DCUN1D3: variants seen among roughly 807,000 people sequenced by gnomAD.
DCUN1D3 encodes defective in cullin neddylation 1 domain containing 3.
A neutral mutation model predicts 24.8 loss-of-function variants in DCUN1D3; 6 were observed. That is an observed-to-expected ratio of 0.24 (90% CI 0.13 to 0.48). DCUN1D3 has a LOEUF of 0.48. Ranked by LOEUF, DCUN1D3 falls within the 20% of genes least tolerant of loss-of-function variation. The pLI, the probability that DCUN1D3 is intolerant of heterozygous loss-of-function variation, is 0.99. For synonymous variants in DCUN1D3, 120 were observed against 144.9 expected (o/e 0.83, Z 1.24); for missense variants, 258 against 379.4 (o/e 0.68, Z 2.66).
intron 1 of DCUN1D3, among the ~76,000 whole-genome samples, chr16:20,893,563 G>C (rs1169711399): frequency 1.3e-5 from 2 of 152,124 alleles, no homozygotes; most frequent in African/African-American, 4.8e-5. Flanking sequence ...TATTCAACTA[G>C]AATCTAATAG....
At chr16:20,894,760 C>T (rs568518074) in intron 1 of DCUN1D3, among the ~76,000 whole-genome samples, 3 of 152,218 alleles carry the variant, frequency 2.0e-5, no homozygotes, top group Non-Finnish European at 4.4e-5. Context: ...TAATCACCAC[C>T]TCAAGACTGA....
intron 1 of DCUN1D3, among the ~76,000 whole-genome samples, chr16:20,871,185 A>C (rs1440646700): frequency 1.3e-5 from 2 of 152,214 alleles, no homozygotes; most frequent in Non-Finnish European, 2.9e-5. Context: ...TTGGGAGGGA[A>C]AGTTGATCCC....
chr16:20,895,607 A>C (rs2081911865), intron 1 of DCUN1D3, among the ~76,000 whole-genome samples: 1 of 152,226 alleles, frequency 6.6e-6, no homozygotes, highest in Non-Finnish European at 1.5e-5. Flanking sequence ...GGGGATGTAA[A>C]TATGTTACGC....
chr16:20,885,668 GTATCATTTCTAC>G (rs1354268386), intron 1 of DCUN1D3, among the ~76,000 whole-genome samples: 1 of 152,114 alleles, frequency 6.6e-6, no homozygotes, highest in African/African-American at 2.4e-5. Context: ...ACAGTAGTCT[GTATCATTTCTAC>G]TACTACTCGT....
intron 1 of DCUN1D3, among the ~76,000 whole-genome samples, chr16:20,894,247 C>T (rs1409611087): frequency 6.6e-6 from 1 of 152,072 alleles, no homozygotes; most frequent in East Asian, 1.9e-4. Context: ...CCAGCCTGGG[C>T]CACTGAGTCC....
At chr16:20,872,862 A>C (rs2081795985) in intron 1 of DCUN1D3, among the ~76,000 whole-genome samples, 1 of 152,242 alleles carries the variant, frequency 6.6e-6, no homozygotes, top group African/African-American at 2.4e-5. Flanking sequence ...TCACGCCTGC[A>C]ATCCCAGCAC....
chr16:20,887,957 T>C (rs936480241), intron 1 of DCUN1D3, among the ~76,000 whole-genome samples: 2 of 152,198 alleles, frequency 1.3e-5, no homozygotes, highest in African/African-American at 2.4e-5. Flanking sequence ...ATTTTCCATC[T>C]CTGGGTTTTA....
chr16:20,883,368 C>G (rs913612980), intron 1 of DCUN1D3, among the ~76,000 whole-genome samples: 1 of 152,038 alleles, frequency 6.6e-6, no homozygotes, highest in African/African-American at 2.4e-5. Flanking sequence ...AAACATTTAG[C>G]CGGGCATGGT....
Position 20,860,183 on chromosome 16 carries a change from AAT to A in DCUN1D3, c.616_617del (p.Ile206CysfsTer42). 6.2e-7 allele frequency: 1 copy of A among 1,614,236 alleles called. No homozygotes were observed. The highest frequency in any genetic ancestry group is 8.5e-7 in the Non-Finnish European group (1 of 1,180,042). On this transcript the variant is annotated frameshift_variant, in exon 3 of 3. Transcript: ENST00000324344. LOFTEE classifies it high-confidence loss of function. The surrounding 1 kb of genome is among the most constrained non-coding windows in gnomAD (Gnocchi z 4.3). ...GGGTAAAGACTAGTTTCCACAGGGC[AAT>A]GGCTATTTCCCGATGCAGTGACCGC... ...GQRSLHREIA[I>X]ALWKLVFTQN...
In DCUN1D3 at chr16:20,859,924, A is replaced by G; in HGVS notation, c.877T>C (p.Ser293Pro). 1 of 1,614,002 alleles carries G rather than the reference A, an allele frequency of 6.2e-7. No individual in the cohort carries two copies. Residue 293 changes from serine to proline, a missense_variant, in exon 3 of 3, where the codon TCA becomes CCA. Coordinates refer to ENST00000324344, the MANE Select transcript of DCUN1D3 (RefSeq NM_173475.4). ...REGEGRGALSSGPEGLCPEEQ... is the reference protein window; with the variant it reads ...REGEGRGALSPGPEGLCPEEQ... ...TCGGGACACAAGCCCTCAGGCCCTGAGCTGAGTGCACCTCTCCCTTCCCCT... is the reference window on the plus strand; with the variant it reads ...TCGGGACACAAGCCCTCAGGCCCTGGGCTGAGTGCACCTCTCCCTTCCCCT...
chr16:20,896,708 T>C (rs1028834182), intron 1 of DCUN1D3, among the ~76,000 whole-genome samples: 4 of 152,180 alleles, frequency 2.6e-5, no homozygotes, highest in South Asian at 4.1e-4. Context: ...ATGCCAAGCA[T>C]CAGCATATAA....
chr16:20,874,071 T>G (rs2081802754), intron 1 of DCUN1D3, among the ~76,000 whole-genome samples: 1 of 152,338 alleles, frequency 6.6e-6, no homozygotes, highest in Admixed American at 6.5e-5. Context: ...AAGTTAGATA[T>G]CAGGTTTTCT....
chr16:20,886,149 T>TG (rs2081867371), intron 1 of DCUN1D3, among the ~76,000 whole-genome samples: 1 of 151,998 alleles, frequency 6.6e-6, no homozygotes, highest in African/African-American at 2.4e-5. Context: ...TTGTCACAAA[T>TG]GCAAAAAAAG....
intron 1 of DCUN1D3, among the ~76,000 whole-genome samples, chr16:20,864,766 TA>T (rs1247411600): frequency 6.6e-6 from 1 of 151,932 alleles, no homozygotes; most frequent in Non-Finnish European, 1.5e-5. Context: ...ACAGATAAGA[TA>T]AAGAAAATGT....
At chr16:20,875,862 A>ATTT (rs2081812217) in intron 1 of DCUN1D3, among the ~76,000 whole-genome samples, 6 of 152,214 alleles carry the variant, frequency 3.9e-5, no homozygotes, top group Admixed American at 3.9e-4. Context: ...TGGGAAAAAA[A>ATTT]ATCTGCAAAC....
At chr16:20,892,943 TAGGGAGTCTTCTTTGAA>T (rs1567431284) in intron 1 of DCUN1D3, among the ~76,000 whole-genome samples, 1 of 152,176 alleles carries the variant, frequency 6.6e-6, no homozygotes, top group Admixed American at 6.5e-5. Context: ...TGCTTCACTA[TAGGGAGTCTTCTTTGAA>T]AGATGAAGAG....
chr16:20,861,005 G>A (rs1332142891), intron 2 of DCUN1D3, among the ~76,000 whole-genome samples: 1 of 152,222 alleles, frequency 6.6e-6, no homozygotes, highest in African/African-American at 2.4e-5. Context: ...TCTGAGGTCT[G>A]GAGGGTAACC....
chr16:20,896,951 T>C (rs2081918665), intron 1 of DCUN1D3, among the ~76,000 whole-genome samples: 2 of 152,210 alleles, frequency 1.3e-5, no homozygotes, highest in African/African-American at 4.8e-5. Flanking sequence ...CCCCCAGAAC[T>C]GCCCAGAAAG....
intron 2 of DCUN1D3, among the ~76,000 whole-genome samples, chr16:20,861,816 C>T (rs1196537831): frequency 1.3e-5 from 2 of 151,800 alleles, no homozygotes; most frequent in African/African-American, 2.4e-5. Context: ...AGACATGAAT[C>T]TCTATCAAAA....
Sources: allele counts gnomAD v4.1 joint callset (sites outside exome capture counted in the v4.1 genomes callset), GRCh38; gene constraint gnomAD v4.1.1; non-coding constraint Gnocchi (gnomAD v3.1); transcripts MANE v1.5; gene names NCBI Gene and HGNC (gene_info 2026-07-23, HGNC 2026-07-21).